ZFR2: variants seen among roughly 807,000 people sequenced by gnomAD.
ZFR2 encodes zinc finger RNA binding protein 2.
A neutral mutation model predicts 105.7 loss-of-function variants in ZFR2; 104 were observed. The ratio of observed to expected loss-of-function variants is 0.98; its 90% confidence interval spans 0.84 to 1.16. The LOEUF (loss-of-function observed/expected upper bound fraction) is 1.16, where lower values mean the gene tolerates loss of function less well. Among genes scored for constraint, ZFR2 ranks in the 50% most tolerant of loss-of-function variants. The pLI, the probability that ZFR2 is intolerant of heterozygous loss-of-function variation, is 0.00. For synonymous variants in ZFR2, 634 were observed against 597.7 expected (o/e 1.06, Z -0.89); for missense variants, 1,425 against 1,355.5 (o/e 1.05, Z -0.80).
rs967186709 is a variant in ZFR2 at position 3,823,633 on chromosome 19, AGCCCTGGTTTTAG to A, written c.1214-243_1214-231del. Among the ~76,000 whole-genome samples, 1 of 152,182 alleles carries A rather than the reference AGCCCTGGTTTTAG, an allele frequency of 6.6e-6. No homozygotes were observed. The highest frequency in any genetic ancestry group is 1.5e-5 in the Non-Finnish European group (1 of 68,038). On this transcript the variant is annotated intron_variant, in intron 7 of 18. Coordinates refer to ENST00000262961, the MANE Select transcript of ZFR2 (RefSeq NM_015174.2). This position sits in a 1 kb window ranked among gnomAD's most constrained non-coding sequence, Gnocchi z 5.4. ...GCCAATTTCAATCCATCCGGGGAGA[AGCCCTGGTTTTAG>A]GCCCTCGCTTGAGGAACCCACCGAC...
chr19:3,838,832 C>T lies in ZFR2; in HGVS notation c.54-3849G>A, dbSNP rs927918394. Among the ~76,000 whole-genome samples the T allele has an allele frequency of 1.3e-5, 2 of 152,224 alleles. No homozygotes were observed. Among genetic ancestry groups the T allele is most frequent in the Non-Finnish European group, 2.9e-5 (2 of 68,044 alleles). On this transcript the variant is annotated intron_variant, in intron 1 of 18. Transcript: ENST00000262961. This position sits in a 1 kb window ranked among gnomAD's most constrained non-coding sequence, Gnocchi z 4.9. Reference sequence around the variant, plus strand: ...CACGTCTGTCCACAGGCCGTCTCCTCCCTGGTCCCGATGCCCTGAGATGCA... The same window carrying T: ...CACGTCTGTCCACAGGCCGTCTCCTTCCTGGTCCCGATGCCCTGAGATGCA...
intron 13 of ZFR2, among the ~76,000 whole-genome samples, chr19:3,815,143 G>A (rs2037811687): frequency 6.6e-6 from 1 of 152,132 alleles, no homozygotes; most frequent in Non-Finnish European, 1.5e-5. Flanking sequence ...AGGCTAGAGT[G>A]CAGTGGCACT....
intron 9 of ZFR2, 65 bp downstream of exon 9, chr19:3,822,013 GCCT>G (rs1458464926): frequency 6.6e-7 from 1 of 1,517,888 alleles, no homozygotes; most frequent in Non-Finnish European, 8.9e-7. Flanking sequence ...CCGACCACAG[GCCT>G]CCCAGCGCCC....
rs764851611 is a variant in ZFR2 at position 3,823,260 on chromosome 19, C to A, written c.1357G>T (p.Glu453Ter). Residue 453 changes from glutamate (E) to a stop codon, truncating the protein, a stop_gained, in exon 8 of 19, where the codon GAA (glutamate) becomes TAA (stop). Coordinates refer to ENST00000262961, the MANE Select transcript of ZFR2 (RefSeq NM_015174.2). LOFTEE classifies it high-confidence loss of function. The surrounding 1 kb of genome is among the most constrained non-coding windows in gnomAD (Gnocchi z 5.4). ...GCSDAQPVGP[E>*]YVEEVFSDEG... ...CCTCGACTTACCTCCTCCACATATT[C>A]CGGGCCCACCGGCTGCGCATCAGAG... 1 of 1,613,856 alleles carries A rather than the reference C, an allele frequency of 6.2e-7. No homozygotes were observed. Among genetic ancestry groups the A allele is most frequent in the Admixed American group, 1.7e-5 (1 of 60,006 alleles).
At chr19:3,867,029 C>T (rs920877108) in intron 1 of ZFR2, among the ~76,000 whole-genome samples, 2 of 152,142 alleles carry the variant, frequency 1.3e-5, no homozygotes, top group African/African-American at 4.8e-5. Context: ...TTAGAAAGGG[C>T]ACAGCAATAT....
At chr19:3,853,517 C>A (rs2038264312) in intron 1 of ZFR2, among the ~76,000 whole-genome samples, 1 of 152,240 alleles carries the variant, frequency 6.6e-6, no homozygotes, top group Non-Finnish European at 1.5e-5. Context: ...AAATTACACT[C>A]TAGCACATGC....
chr19:3,818,939 G>C, intron 12 of ZFR2, 106 bp downstream of exon 12: 1 of 1,380,340 alleles, frequency 7.2e-7, no homozygotes, highest in Non-Finnish European at 9.6e-7. Flanking sequence ...GGCCACCGAC[G>C]GCTCCAGGCC....
At chr19:3,865,429 A>C (rs1305802203) in intron 1 of ZFR2, among the ~76,000 whole-genome samples, 1 of 151,994 alleles carries the variant, frequency 6.6e-6, no homozygotes, top group African/African-American at 2.4e-5. Flanking sequence ...AACTCACTAC[A>C]GCCTCAAACT....
intron 1 of ZFR2, chr19:3,852,375 G>GC: frequency 1.5e-6 from 1 of 666,868 alleles, no homozygotes; most frequent in South Asian, 1.7e-5. Flanking sequence ...CTCTGCCCCT[G>GC]GAGGGCAGCT....
chr19:3,805,775 G>C lies in ZFR2; in HGVS notation c.*174C>G, dbSNP rs113142933. The C allele has an allele frequency of 4.1e-6, 3 of 737,816 alleles. No homozygotes were observed. Among genetic ancestry groups the C allele is most frequent in the Non-Finnish European group, 6.0e-6 (3 of 496,482 alleles). The allele number at this position is 737,816 out of a possible 1,614,324, so 45.7% of individuals were successfully genotyped here. On this transcript the variant is annotated 3_prime_UTR_variant, in exon 19 of 19. Coordinates refer to ENST00000262961, the MANE Select transcript of ZFR2 (RefSeq NM_015174.2). ...GCCTCCCAAAGTGCTGGGATTAAAG[G>C]CATGAGCCACAGTGCCCGGTCTGAA...
intron 1 of ZFR2, among the ~76,000 whole-genome samples, chr19:3,845,831 A>C (rs1043430684): frequency 6.6e-6 from 1 of 152,032 alleles, no homozygotes; most frequent in Non-Finnish European, 1.5e-5. Flanking sequence ...AAAATAAGTC[A>C]AGACCCTGTC....
intron 6 of ZFR2, among the ~76,000 whole-genome samples, chr19:3,826,762 A>C (rs1471813153): frequency 1.3e-5 from 2 of 151,998 alleles, no homozygotes; most frequent in Non-Finnish European, 2.9e-5. Flanking sequence ...CTAAGGCCTC[A>C]GGAGAACAGT....
At chr19:3,864,291 C>T (rs1731768596) in intron 1 of ZFR2, among the ~76,000 whole-genome samples, 1 of 152,062 alleles carries the variant, frequency 6.6e-6, no homozygotes, top group South Asian at 2.1e-4. Context: ...GGGGGGAAGA[C>T]TGCCTGAGCC....
At chr19:3,809,985 C>T (rs567156843) in intron 16 of ZFR2, among the ~76,000 whole-genome samples, 2 of 152,228 alleles carry the variant, frequency 1.3e-5, no homozygotes, top group South Asian at 2.1e-4. Flanking sequence ...GAGACTTAAT[C>T]TCTACCAAAC....
At position 3,831,100 on chromosome 19, in the gene ZFR2, AAC is replaced by A. The variant is rs1294286413; in HGVS notation, c.852+201_852+202del. On this transcript the variant is annotated intron_variant, in intron 5 of 18. Transcript: ENST00000262961. ...ATATGCACACATATACACATGCATA[AAC>A]ACACGCACACATACACACTCACACT... is the stretch of plus-strand genomic sequence containing the variant. Among the ~76,000 whole-genome samples the A allele has an allele frequency of 2.0e-5, 3 of 151,436 alleles. No homozygotes were observed. In the South Asian group the frequency reaches 6.3e-4, roughly 32 times the overall value.
intron 1 of ZFR2, among the ~76,000 whole-genome samples, chr19:3,844,212 C>T (rs1329333284): frequency 6.6e-6 from 1 of 152,060 alleles, no homozygotes; most frequent in Non-Finnish European, 1.5e-5. Flanking sequence ...GTTATCTAGA[C>T]TTTATCATAA....
At chr19:3,807,391 C>T (rs1013176660) in intron 17 of ZFR2, 122 bp from the exon 18 acceptor site, 13 of 676,192 alleles carry the variant, frequency 1.9e-5, no homozygotes, top group African/African-American at 7.2e-5. Flanking sequence ...TACTTGCAGC[C>T]GTGGCACCTC....
At chr19:3,821,965 C>A in intron 9 of ZFR2, 116 bp downstream of exon 9, 1 of 1,409,170 alleles carries the variant, frequency 7.1e-7, no homozygotes, top group Non-Finnish European at 9.4e-7. Flanking sequence ...AATCACCCCT[C>A]CCTCTTAAGT....
chr19:3,811,857 C>A (rs2037768555), intron 14 of ZFR2, among the ~76,000 whole-genome samples: 1 of 151,652 alleles, frequency 6.6e-6, no homozygotes, highest in Non-Finnish European at 1.5e-5. Context: ...AACTCCTGGG[C>A]TCACGTGATC....
Sources: gnomAD v4.1 joint callset for allele counts (sites outside exome capture counted in the v4.1 genomes callset) on GRCh38, gnomAD v4.1.1 for gene constraint, Gnocchi (gnomAD v3.1) non-coding constraint, MANE v1.5 for transcripts, NCBI Gene and HGNC (gene_info 2026-07-23, HGNC 2026-07-21) for gene names.